The following TRPC5OS variants were observed in gnomAD, a reference collection of about 807,000 sequenced individuals.
TRPC5OS encodes the protein putative uncharacterized protein TRPC5OS.
For missense variants in TRPC5OS, 64 were observed against 79.3 expected, an observed-to-expected ratio of 0.81 and a Z score of 0.73; for synonymous variants, 30 against 29.3, an observed-to-expected ratio of 1.02 and a Z score of -0.08.
chrX:111,894,130 A>C (rs1317166606), intron 1 of TRPC5OS, among the ~76,000 whole-genome samples: 1 of 111,553 alleles, frequency 9.0e-6, no homozygotes, highest in African/African-American at 3.3e-5. Flanking sequence ...CACCCTCACC[A>C]AAGGTGCATT....
At chrX:111,900,282 C>T (rs1925276797) in intron 3 of TRPC5OS, among the ~76,000 whole-genome samples, 1 of 111,609 alleles carries the variant, frequency 9.0e-6, no homozygotes, top group African/African-American at 3.3e-5. Flanking sequence ...ATGACTACTT[C>T]CTAAGACTTT....
chrX:111,894,663 C>G (rs1193440059), intron 1 of TRPC5OS, among the ~76,000 whole-genome samples: 3 of 111,720 alleles, frequency 2.7e-5, no homozygotes, highest in Non-Finnish European at 5.6e-5. Flanking sequence ...CCTGGTAAGA[C>G]TCTTATCACT....
intron 1 of TRPC5OS, among the ~76,000 whole-genome samples, chrX:111,894,773 A>G (rs1465681399): frequency 9.0e-6 from 1 of 111,522 alleles, no homozygotes; most frequent in African/African-American, 3.3e-5. Flanking sequence ...AAATTGCGCA[A>G]ATTTTAAGGG....
At chrX:111,883,946 C>T (rs953148069) in intron 1 of TRPC5OS, among the ~76,000 whole-genome samples, 4 of 112,778 alleles carry the variant, frequency 3.5e-5, no homozygotes, top group African/African-American at 1.3e-4. Flanking sequence ...AGGGCTTCAG[C>T]CTAGTTAAGT....
At chrX:111,894,964 G>A (rs1337275373) in intron 1 of TRPC5OS, among the ~76,000 whole-genome samples, 2 of 110,318 alleles carry the variant, frequency 1.8e-5, no homozygotes, top group East Asian at 5.7e-4. Flanking sequence ...GTAGTGATAT[G>A]GTAGCTAATT....
At chrX:111,893,713 C>G (rs954830867) in intron 1 of TRPC5OS, among the ~76,000 whole-genome samples, 1 of 111,849 alleles carries the variant, frequency 8.9e-6, no homozygotes, top group African/African-American at 3.2e-5. Context: ...AGCTCCTCAG[C>G]TGCACAATTC....
intron 1 of TRPC5OS, among the ~76,000 whole-genome samples, chrX:111,886,858 A>G (rs1346092540): frequency 8.9e-6 from 1 of 112,820 alleles, no homozygotes. Context: ...ATATAGCTGC[A>G]TCTTCCACTA....
intron 1 of TRPC5OS, among the ~76,000 whole-genome samples, chrX:111,888,716 A>G (rs1013143800): frequency 5.7e-5 from 6 of 104,577 alleles, no homozygotes; most frequent in Admixed American, 2.1e-4. Context: ...AAAAAAAAAA[A>G]AAAGAAAGAA....
chrX:111,879,826 C>T (rs1175473515), intron 1 of TRPC5OS, among the ~76,000 whole-genome samples: 1 of 112,335 alleles, frequency 8.9e-6, no homozygotes. Context: ...AGCTGAGATT[C>T]AAGCCCCCAT....
chrX:111,893,647 CT>C (rs1476413364), intron 1 of TRPC5OS, among the ~76,000 whole-genome samples: 13 of 111,465 alleles, frequency 1.2e-4, no homozygotes, highest in Non-Finnish European at 2.5e-4. Flanking sequence ...CCTACTCCCC[CT>C]TTTTTTAGTT....
In TRPC5OS at chrX:111,881,326, G is replaced by A. The variant is rs981802537; in HGVS notation, c.-546+5053G>A. On this transcript the variant is annotated intron_variant, in intron 1 of 3. Coordinates refer to ENST00000635763, the MANE Select transcript of TRPC5OS (RefSeq NM_001195578.2). ...CGAGTAGCTGGGACTACAGGCACGC[G>A]CCACCACACCCAGCTAACTTCTTGT... 1.2e-4 allele frequency among the ~76,000 whole-genome samples: 13 copies of A among 110,214 alleles called. No individual in the cohort carries two copies. The East Asian group carries it at 1.4e-3, about 12-fold the overall frequency.
At chrX:111,879,794 C>A (rs1468909640) in intron 1 of TRPC5OS, among the ~76,000 whole-genome samples, 1 of 112,437 alleles carries the variant, frequency 8.9e-6, no homozygotes, top group Non-Finnish European at 1.9e-5. Flanking sequence ...ATGCCAGGGG[C>A]ATATAGCTAC....
intron 3 of TRPC5OS, among the ~76,000 whole-genome samples, chrX:111,897,598 C>T (rs1416060308): frequency 9.0e-6 from 1 of 111,465 alleles, no homozygotes; most frequent in Non-Finnish European, 1.9e-5. Flanking sequence ...GATTATTTTG[C>T]ATTTTCTAAA....
intron 1 of TRPC5OS, among the ~76,000 whole-genome samples, chrX:111,878,984 C>T (rs1029328169): frequency 8.9e-6 from 1 of 111,934 alleles, no homozygotes; most frequent in Admixed American, 9.5e-5. Flanking sequence ...TGAAACAATG[C>T]CAACATACTT....
intron 1 of TRPC5OS, among the ~76,000 whole-genome samples, chrX:111,882,220 G>A (rs899035302): frequency 3.7e-5 from 4 of 109,450 alleles, no homozygotes; most frequent in African/African-American, 1.3e-4. Context: ...TGGGTGGAGT[G>A]TTATATAAAA....
chrX:111,901,774 T>G lies in TRPC5OS; in HGVS notation c.-76T>G, dbSNP rs1925357348. 1 of 823,084 alleles carries G rather than the reference T, an allele frequency of 1.2e-6. No individual in the cohort carries two copies. Among genetic ancestry groups the G allele is most frequent in the South Asian group, 2.8e-5 (1 of 35,161 alleles). 67.8% of individuals were successfully genotyped at this position (823,084 alleles called of 1,213,427 possible). ...CCACAGAACCATTGTTAGCCCCTTATACTATCCATTGTCACCAAGAGTCCA... is the reference window on the plus strand; with the variant it reads ...CCACAGAACCATTGTTAGCCCCTTAGACTATCCATTGTCACCAAGAGTCCA... On this transcript the variant is annotated 5_prime_UTR_variant, in exon 4 of 4. Transcript: ENST00000635763.
At chrX:111,889,882 G>T (rs1405894458) in intron 1 of TRPC5OS, among the ~76,000 whole-genome samples, 2 of 111,500 alleles carry the variant, frequency 1.8e-5, no homozygotes, top group Non-Finnish European at 3.8e-5. Context: ...TGTTCAGCTA[G>T]GCTTTTTGTA....
intron 1 of TRPC5OS, among the ~76,000 whole-genome samples, chrX:111,879,368 A>G (rs1383326493): frequency 8.9e-6 from 1 of 112,170 alleles, no homozygotes; most frequent in Non-Finnish European, 1.9e-5. Context: ...GGTCCCAGGA[A>G]GATGTTTATT....
intron 1 of TRPC5OS, among the ~76,000 whole-genome samples, chrX:111,877,443 G>A (rs1406618659): frequency 9.0e-6 from 1 of 111,009 alleles, no homozygotes; most frequent in African/African-American, 3.3e-5. Context: ...AGGGAATTCC[G>A]AGGACACGGA....
Sources: allele counts gnomAD v4.1 joint callset (sites outside exome capture counted in the v4.1 genomes callset), GRCh38; gene constraint gnomAD v4.1.1; transcripts MANE v1.5; gene names NCBI Gene and HGNC (gene_info 2026-07-23, HGNC 2026-07-21).